The following ANXA8 variants were observed in gnomAD, a reference collection of about 807,000 sequenced individuals.
The protein encoded by ANXA8 is annexin A8.
A neutral mutation model predicts 26.8 loss-of-function variants in ANXA8; 9 were observed. That is an observed-to-expected ratio of 0.34 (90% CI 0.20 to 0.59). ANXA8 has a LOEUF of 0.59. Among genes scored for constraint, ANXA8 ranks in the 20% least tolerant of loss-of-function variants. ANXA8 has a pLI of 0.84. For synonymous variants in ANXA8, 39 were observed against 94.8 expected (o/e 0.41, Z 3.42); for missense variants, 83 against 238.5 (o/e 0.35, Z 4.29).
the ANXA8 span, among the ~76,000 whole-genome samples, chr10:47,748,204 CT>C: frequency 8.7e-5 from 13 of 148,656 alleles, no homozygotes; most frequent in Non-Finnish European, 1.2e-4. Flanking sequence ...GCACACTATA[CT>C]TTTTTTTTAT....
chr10:47,871,516 T>A, the ANXA8 span, among the ~76,000 whole-genome samples: 3 of 150,380 alleles, frequency 2.0e-5, no homozygotes, highest in African/African-American at 7.3e-5. Flanking sequence ...TATCATCGAA[T>A]CTTAACATCC....
chr10:47,557,346 C>T, the ANXA8 span, among the ~76,000 whole-genome samples: 4 of 151,592 alleles, frequency 2.6e-5, no homozygotes, highest in African/African-American at 4.9e-5. Context: ...ATATGCAGTG[C>T]TCCTTCCCCA....
the ANXA8 span, among the ~76,000 whole-genome samples, chr10:47,695,922 G>C: frequency 6.6e-6 from 1 of 151,780 alleles, no homozygotes; most frequent in East Asian, 1.9e-4. Flanking sequence ...TTGTGTGGAA[G>C]ATAATTATCG....
At chr10:47,616,773 T>A in the ANXA8 span, among the ~76,000 whole-genome samples, 123 of 73,870 alleles carry the variant, frequency 1.7e-3, 36 homozygotes, top group East Asian at 0.03. Flanking sequence ...CAAGTTTAGT[T>A]CTCCTTACAA....
the ANXA8 span, among the ~76,000 whole-genome samples, chr10:47,707,189 A>C: frequency 2.8e-5 from 4 of 143,506 alleles, no homozygotes; most frequent in East Asian, 1.1e-3. Context: ...AAAAAACAAA[A>C]AAAAGAGTAA....
chr10:47,698,021 C>T, the ANXA8 span, among the ~76,000 whole-genome samples: 15 of 147,674 alleles, frequency 1.0e-4, no homozygotes, highest in East Asian at 2.0e-4. Context: ...GCTAAAGAGC[C>T]GAGATATATT....
chr10:47,980,526 G>A, the ANXA8 span, among the ~76,000 whole-genome samples: 2 of 151,834 alleles, frequency 1.3e-5, no homozygotes, highest in African/African-American at 4.8e-5. Context: ...TAGCTTGACT[G>A]AGAAGAAAAA....
At chr10:47,496,961 T>A in the ANXA8 span, among the ~76,000 whole-genome samples, 1 of 141,282 alleles carries the variant, frequency 7.1e-6, no homozygotes, top group Non-Finnish European at 1.5e-5. Context: ...TTCCCCCTCA[T>A]AGGGGGAAAG....
At chr10:47,527,834 T>C in the ANXA8 span, among the ~76,000 whole-genome samples, 2 of 147,176 alleles carry the variant, frequency 1.4e-5, no homozygotes, top group Admixed American at 1.4e-4. Context: ...AACAAAAGCG[T>C]GAGTATACTT....
At chr10:47,705,154 A>G in the ANXA8 span, among the ~76,000 whole-genome samples, 1 of 151,628 alleles carries the variant, frequency 6.6e-6, no homozygotes, top group African/African-American at 2.4e-5. Flanking sequence ...CATTTTAAGA[A>G]GAAAAGCAGG....
At chr10:47,551,224 C>T in the ANXA8 span, among the ~76,000 whole-genome samples, 3 of 151,712 alleles carry the variant, frequency 2.0e-5, no homozygotes, top group African/African-American at 7.3e-5. Flanking sequence ...TTTGGCTCTC[C>T]GACTTACTGG....
chr10:47,565,655 T>TGGCCAGCC, the ANXA8 span: 1 of 368,564 alleles, frequency 2.7e-6, no homozygotes, highest in Non-Finnish European at 4.8e-6. Flanking sequence ...TGCCGGGCCC[T>TGGCCAGCC]GGCCAGCCGG....
chr10:47,553,329 C>T, the ANXA8 span: 2 of 152,668 alleles, frequency 1.3e-5, no homozygotes, highest in African/African-American at 2.4e-5. Context: ...CCGGGCACAC[C>T]TCAGGCAGAT....
the ANXA8 span, among the ~76,000 whole-genome samples, chr10:47,958,704 GA>G: frequency 6.8e-6 from 1 of 147,866 alleles, no homozygotes; most frequent in Non-Finnish European, 1.5e-5. Flanking sequence ...CTGCTATGAA[GA>G]AACACCCAAG....
At chr10:47,587,468 A>T in the ANXA8 span, among the ~76,000 whole-genome samples, 2 of 146,126 alleles carry the variant, frequency 1.4e-5, no homozygotes, top group Admixed American at 6.6e-5. Context: ...TGCATTGAGA[A>T]CTCATACTCC....
the ANXA8 span, among the ~76,000 whole-genome samples, chr10:47,669,548 G>A: frequency 0.051 from 7,670 of 151,112 alleles, 480 homozygotes; most frequent in African/African-American, 0.18. Context: ...GCAAAACCCC[G>A]TCTCTACTAT....
the ANXA8 span, among the ~76,000 whole-genome samples, chr10:47,522,150 G>T: frequency 7.0e-6 from 1 of 142,332 alleles, no homozygotes; most frequent in Non-Finnish European, 1.5e-5. Flanking sequence ...GACAAAGGGG[G>T]AGCCACGGCA....
At chr10:47,525,281 C>T in the ANXA8 span, among the ~76,000 whole-genome samples, 568 of 128,230 alleles carry the variant, frequency 4.4e-3, 35 homozygotes, top group African/African-American at 0.017. Context: ...TTGTGCATGC[C>T]TGTAATCCCA....
At chr10:47,970,577 T>TA in the ANXA8 span, 4 of 151,588 alleles carry the variant, frequency 2.6e-5, no homozygotes, top group South Asian at 8.3e-4. Flanking sequence ...AATTACTGTA[T>TA]AACAGTTCAC....
Sources: gnomAD v4.1 joint callset for allele counts (sites outside exome capture counted in the v4.1 genomes callset) on GRCh38, gnomAD v4.1.1 for gene constraint, MANE v1.5 for transcripts, NCBI Gene and HGNC (gene_info 2026-07-23, HGNC 2026-07-21) for gene names.